UNC5B: variants seen among roughly 807,000 people sequenced by gnomAD.
The protein encoded by UNC5B is unc-5 netrin receptor B.
In UNC5B, 56 loss-of-function variants were observed where a neutral mutation model predicts 103.7. That is an observed-to-expected ratio of 0.54 (90% CI 0.44 to 0.67). The LOEUF is 0.67. Among genes scored for constraint, UNC5B ranks in the 30% least tolerant of loss-of-function variants. The probability of loss-of-function intolerance (pLI) is 0.00; values close to 1 mark genes in which losing one functional copy is unlikely to be tolerated. For synonymous variants in UNC5B, 577 were observed against 542.0 expected, an observed-to-expected ratio of 1.06 and a Z score of -0.90; for missense variants, 1,194 against 1,284.5, an observed-to-expected ratio of 0.93 and a Z score of 1.08.
intron 1 of UNC5B, among the ~76,000 whole-genome samples, chr10:71,233,729 G>A (rs1843724641): frequency 6.6e-6 from 1 of 152,196 alleles, no homozygotes; most frequent in Admixed American, 6.5e-5. Flanking sequence ...TGGGGCACAG[G>A]GAACTGGAGG....
intron 1 of UNC5B, among the ~76,000 whole-genome samples, chr10:71,226,666 C>T (rs1843570277): frequency 6.6e-6 from 1 of 152,238 alleles, no homozygotes; most frequent in Admixed American, 6.5e-5. Flanking sequence ...ATTCCATTCT[C>T]TCTTTTTAAC....
chr10:71,269,662 G>A (rs557276129), intron 1 of UNC5B, among the ~76,000 whole-genome samples: 3 of 151,832 alleles, frequency 2.0e-5, no homozygotes, highest in African/African-American at 2.4e-5. Flanking sequence ...CATCTACACC[G>A]CAAACAAGAT....
intron 1 of UNC5B, among the ~76,000 whole-genome samples, chr10:71,279,316 C>T (rs930959115): frequency 3.9e-5 from 6 of 152,198 alleles, no homozygotes; most frequent in African/African-American, 1.2e-4. Context: ...AGCCCTGGCT[C>T]CTGTCCCGCT....
intron 1 of UNC5B, among the ~76,000 whole-genome samples, chr10:71,249,547 A>G (rs1844126209): frequency 1.3e-5 from 2 of 152,292 alleles, no homozygotes; most frequent in Admixed American, 1.3e-4. Flanking sequence ...ACCATGCTAT[A>G]CAGGTGAGGC....
At position 71,299,128 on chromosome 10, in the gene UNC5B, G is replaced by T. The variant is rs2070397116; in HGVS notation, c.2689G>T (p.Ala897Ser). The T allele has an allele frequency of 1.2e-6, 2 of 1,614,064 alleles. No homozygotes were observed. Among genetic ancestry groups the T allele is most frequent in the South Asian group, 2.2e-5 (2 of 91,082 alleles). ...LSMDRYLNYF[A>S]TKASPTGVIL... Reference sequence around the variant, plus strand: ...CTCTGCCAGGTACCTGAATTACTTTGCCACCAAAGCGAGCCCCACGGGTGT... The same window carrying T: ...CTCTGCCAGGTACCTGAATTACTTTTCCACCAAAGCGAGCCCCACGGGTGT... The change falls in exon 17 of 17, where the codon GCC (alanine) becomes TCC (serine). Residue 897 changes from alanine to serine, a missense_variant. By Grantham distance (99) the Ala-to-Ser change is moderately conservative. Coordinates refer to ENST00000335350, the MANE Select transcript of UNC5B (RefSeq NM_170744.5).
intron 1 of UNC5B, among the ~76,000 whole-genome samples, chr10:71,239,608 C>G (rs535146746): frequency 1.8e-4 from 27 of 152,292 alleles, no homozygotes; most frequent in Non-Finnish European, 3.8e-4. Flanking sequence ...GCTTCTGGTG[C>G]TTAGCTGCAG....
In UNC5B at chr10:71,295,260, G is replaced by C. The variant is rs1402378234; in HGVS notation, c.2176-551G>C. ...GTCCTGGGGCGTTGGCTAATGGCCAGCTTTGGCCAGAGAGTGGTATAGAAA... is the reference window on the plus strand; with the variant it reads ...GTCCTGGGGCGTTGGCTAATGGCCACCTTTGGCCAGAGAGTGGTATAGAAA... On this transcript the variant is annotated intron_variant, in intron 13 of 16. Transcript: ENST00000335350. Among the ~76,000 whole-genome samples, 3 of 152,222 alleles carry C rather than the reference G, an allele frequency of 2.0e-5. No individual in the cohort carries two copies. The South Asian group carries it at 6.2e-4, about 32-fold the overall frequency.
intron 1 of UNC5B, among the ~76,000 whole-genome samples, chr10:71,260,820 G>A (rs1844400530): frequency 6.6e-6 from 1 of 152,264 alleles, no homozygotes; most frequent in South Asian, 2.1e-4. Context: ...GTGGGTGGCT[G>A]GAGCCAGGTT....
chr10:71,227,488 T>G (rs10999735), intron 1 of UNC5B, among the ~76,000 whole-genome samples: 76,125 of 151,280 alleles, frequency 0.5, 19,609 homozygotes, highest in African/African-American at 0.6. Context: ...TGTGATGGGT[T>G]CATCAAAATC....
intron 1 of UNC5B, among the ~76,000 whole-genome samples, chr10:71,276,627 T>C (rs932527400): frequency 6.6e-6 from 1 of 152,164 alleles, no homozygotes; most frequent in Admixed American, 6.5e-5. Context: ...AGAGATGGGG[T>C]TCCACCGCGA....
Position 71,297,980 on chromosome 10 carries a change from T to G in UNC5B, c.2562T>G (p.Tyr854Ter), listed in dbSNP as rs766634126. 6.2e-7 allele frequency: 1 copy of G among 1,614,022 alleles called. No homozygotes were observed. The highest frequency in any genetic ancestry group is 1.1e-5 in the South Asian group (1 of 91,076). The change falls in exon 16 of 17, where the codon TAT becomes TAG. Residue 854 changes from tyrosine (Y) to a stop codon, truncating the protein, a stop_gained. Transcript: ENST00000335350. LOFTEE classifies it high-confidence loss of function. ...GSTVTTQLGP[Y>*]AFKIPLSIRQ... ...CTGTCACCACCCAGCTGGGACCTTA[T>G]GCCTTCAAGATCCCACTGTCCATCC... is the stretch of plus-strand genomic sequence containing the variant.
chr10:71,255,682 A>G (rs1844274873), intron 1 of UNC5B, among the ~76,000 whole-genome samples: 1 of 152,186 alleles, frequency 6.6e-6, no homozygotes, highest in South Asian at 2.1e-4. Context: ...CTGTGATCTC[A>G]TTTAATTTTC....
chr10:71,214,369 T>C (rs572183396), intron 1 of UNC5B, among the ~76,000 whole-genome samples: 1 of 152,084 alleles, frequency 6.6e-6, no homozygotes, highest in East Asian at 1.9e-4. Flanking sequence ...GTGCAAGTCC[T>C]GTGCAGTAGA....
At chr10:71,286,968 C>T in intron 5 of UNC5B, 99 bp downstream of exon 5, 1 of 1,468,314 alleles carries the variant, frequency 6.8e-7, no homozygotes, top group East Asian at 2.3e-5. Context: ...GAGGATGCAG[C>T]CCAGAGAGGG....
intron 1 of UNC5B, among the ~76,000 whole-genome samples, chr10:71,216,978 C>T (rs889691660): frequency 2.0e-5 from 3 of 152,230 alleles, no homozygotes; most frequent in Non-Finnish European, 2.9e-5. Flanking sequence ...AGGCCACTGC[C>T]GCCTTCAGGA....
chr10:71,233,131 G>T (rs1046288017), intron 1 of UNC5B, among the ~76,000 whole-genome samples: 8 of 152,224 alleles, frequency 5.3e-5, no homozygotes, highest in Non-Finnish European at 1.2e-4. Context: ...AGTGTGCCCT[G>T]TGACCTTGAG....
At chr10:71,238,012 G>T (rs907924093) in intron 1 of UNC5B, among the ~76,000 whole-genome samples, 1 of 152,188 alleles carries the variant, frequency 6.6e-6, no homozygotes, top group African/African-American at 2.4e-5. Context: ...AGACAAGGCA[G>T]CTTCCACTGA....
In UNC5B at chr10:71,291,483, C is replaced by T. The variant is rs1162568962; in HGVS notation, c.1346C>T (p.Ala449Val). The change falls in exon 10 of 17, where the codon GCC becomes GTC. Residue 449 changes from alanine (A) to valine (V), a missense_variant. By Grantham distance (64) the Ala-to-Val change is moderately conservative. Transcript: ENST00000335350. ...GTGCCTCCTGACCTGACAGCCAGCG[C>T]CGGCATCTACCGCGGACCCGTGTAT... is the stretch of plus-strand genomic sequence containing the variant. ...PSVPPDLTASAGIYRGPVYAL... is the reference protein window; with the variant it reads ...PSVPPDLTASVGIYRGPVYAL... 1.2e-6 allele frequency: 2 copies of T among 1,614,016 alleles called. No homozygotes were observed. Among genetic ancestry groups the T allele is most frequent in the Non-Finnish European group, 8.5e-7 (1 of 1,179,956 alleles).
intron 1 of UNC5B, among the ~76,000 whole-genome samples, chr10:71,258,535 A>G (rs1380953333): frequency 6.6e-6 from 1 of 152,222 alleles, no homozygotes; most frequent in African/African-American, 2.4e-5. Context: ...CCAGCTCTCT[A>G]TGCTTCTTCT....
Sources: gnomAD v4.1 joint callset for allele counts (sites outside exome capture counted in the v4.1 genomes callset) on GRCh38, gnomAD v4.1.1 for gene constraint, MANE v1.5 for transcripts, NCBI Gene and HGNC (gene_info 2026-07-23, HGNC 2026-07-21) for gene names.